The following TRPS1 variants were observed in gnomAD, a reference collection of about 807,000 sequenced individuals.
The protein encoded by TRPS1 is zinc finger transcription factor Trps1.
A neutral mutation model predicts 101.2 loss-of-function variants in TRPS1; 6 were observed. The ratio of observed to expected loss-of-function variants is 0.06; its 90% CI spans 0.03 to 0.12. The LOEUF (loss-of-function observed/expected upper bound fraction) is 0.12. Among genes scored for constraint, TRPS1 ranks in the 10% least tolerant of loss-of-function variants. The pLI, the probability that TRPS1 is intolerant of heterozygous loss-of-function variation, is 1.00. For synonymous variants in TRPS1, 578 were observed against 589.8 expected (o/e 0.98, Z 0.29); for missense variants, 1,363 against 1,567.0 (o/e 0.87, Z 2.20).
At chr8:115,603,029 A>G (rs934663203) in intron 4 of TRPS1, among the ~76,000 whole-genome samples, 3 of 152,146 alleles carry the variant, frequency 2.0e-5, no homozygotes, top group Non-Finnish European at 2.9e-5. Flanking sequence ...CTTCCCTACT[A>G]AACTGTAAGT....
chr8:115,436,584 T>G (rs970748393), intron 5 of TRPS1, among the ~76,000 whole-genome samples: 12 of 152,154 alleles, frequency 7.9e-5, no homozygotes, highest in Non-Finnish European at 1.8e-4. Flanking sequence ...CAGGCTAGCC[T>G]TGAACTCCTG....
intron 4 of TRPS1, among the ~76,000 whole-genome samples, chr8:115,595,831 T>C (rs1586439600): frequency 6.6e-6 from 1 of 151,854 alleles, no homozygotes; most frequent in Non-Finnish European, 1.5e-5. Context: ...AAATCATGTA[T>C]ACAAATAAAG....
At chr8:115,574,404 G>C (rs1817271753) in intron 5 of TRPS1, among the ~76,000 whole-genome samples, 1 of 152,154 alleles carries the variant, frequency 6.6e-6, no homozygotes, top group Admixed American at 6.5e-5. Context: ...AAACAGAAGT[G>C]TGTCTTGTTA....
At chr8:115,560,613 A>G (rs1284387737) in intron 5 of TRPS1, among the ~76,000 whole-genome samples, 2 of 152,114 alleles carry the variant, frequency 1.3e-5, no homozygotes, top group African/African-American at 4.8e-5. Flanking sequence ...ATTGGTGTAA[A>G]CTGCCCCTGC....
intron 5 of TRPS1, among the ~76,000 whole-genome samples, chr8:115,505,554 T>C (rs983969747): frequency 6.6e-6 from 1 of 152,182 alleles, no homozygotes; most frequent in Non-Finnish European, 1.5e-5. Context: ...TTGAATGATC[T>C]GAAATTATAA....
chr8:115,455,375 T>C (rs1328909107), intron 5 of TRPS1, among the ~76,000 whole-genome samples: 1 of 152,246 alleles, frequency 6.6e-6, no homozygotes, highest in Non-Finnish European at 1.5e-5. Context: ...ATGGAAGCTA[T>C]AATTTGTGAG....
At chr8:115,420,434 G>C (rs1813025230) in intron 5 of TRPS1, among the ~76,000 whole-genome samples, 1 of 152,144 alleles carries the variant, frequency 6.6e-6, no homozygotes, top group South Asian at 2.1e-4. Context: ...TAACATGTTT[G>C]CAAATAAACA....
intron 4 of TRPS1, among the ~76,000 whole-genome samples, chr8:115,601,236 T>C (rs1196445351): frequency 6.6e-6 from 1 of 152,210 alleles, no homozygotes; most frequent in African/African-American, 2.4e-5. Context: ...CACAGAATTA[T>C]GGCAGAAGTT....
intron 3 of TRPS1, among the ~76,000 whole-genome samples, chr8:115,610,507 T>C (rs1221632948): frequency 6.6e-6 from 1 of 152,172 alleles, no homozygotes; most frequent in Non-Finnish European, 1.5e-5. Flanking sequence ...TCTCATGCCA[T>C]CCATAGCTTA....
chr8:115,552,669 A>G (rs936774142), intron 5 of TRPS1, among the ~76,000 whole-genome samples: 4 of 152,206 alleles, frequency 2.6e-5, no homozygotes, highest in Admixed American at 1.3e-4. Context: ...TAACTTAACT[A>G]AACACAACCA....
intron 5 of TRPS1, among the ~76,000 whole-genome samples, chr8:115,507,712 T>C (rs1371800173): frequency 6.6e-6 from 1 of 152,104 alleles, no homozygotes; most frequent in Non-Finnish European, 1.5e-5. Context: ...TACATGCCAG[T>C]CCTAATTTGA....
chr8:115,633,217 C>T (rs188952297), intron 1 of TRPS1, among the ~76,000 whole-genome samples: 3 of 151,998 alleles, frequency 2.0e-5, no homozygotes, highest in Admixed American at 6.6e-5. Context: ...GAAAAGAAAG[C>T]GTTCTGAACA....
chr8:115,439,593 C>A (rs919177804), intron 5 of TRPS1, among the ~76,000 whole-genome samples: 4 of 152,186 alleles, frequency 2.6e-5, no homozygotes, highest in Non-Finnish European at 5.9e-5. Context: ...TCATTAGCCA[C>A]AGGGGACATT....
At chr8:115,654,268 G>A (rs1308401563) in intron 1 of TRPS1, among the ~76,000 whole-genome samples, 2 of 152,098 alleles carry the variant, frequency 1.3e-5, no homozygotes, top group Non-Finnish European at 2.9e-5. Context: ...GGCATTAAAT[G>A]TATATTTTAA....
At chr8:115,458,577 T>C (rs1349804665) in intron 5 of TRPS1, among the ~76,000 whole-genome samples, 2 of 152,194 alleles carry the variant, frequency 1.3e-5, no homozygotes, top group African/African-American at 4.8e-5. Flanking sequence ...AATTTTGCTA[T>C]ACTTTAAATG....
intron 5 of TRPS1, among the ~76,000 whole-genome samples, chr8:115,535,361 A>G (rs538806399): frequency 7.4e-4 from 87 of 117,596 alleles, no homozygotes; most frequent in African/African-American, 2.6e-3. Context: ...TATACATAGC[A>G]CATATATATA....
chr8:115,565,486 G>A (rs955323267), intron 5 of TRPS1, among the ~76,000 whole-genome samples: 1 of 72,858 alleles, frequency 1.4e-5, no homozygotes, highest in African/African-American at 1.2e-4. Context: ...AAAATGACAG[G>A]TTTTTTTTTT....
chr8:115,452,139 A>G (rs1813890767), intron 5 of TRPS1, among the ~76,000 whole-genome samples: 2 of 152,344 alleles, frequency 1.3e-5, no homozygotes, highest in Admixed American at 1.3e-4. Flanking sequence ...ATTAAACCCA[A>G]TGAATTCTGG....
rs547239440 is a variant in TRPS1 at position 115,484,820 on chromosome 8, C to A, written c.2701-66368G>T. On this transcript the variant is annotated intron_variant, in intron 5 of 6. Transcript: ENST00000395715. ...TTCAGGAAATTTTCCAGAAGTAGTT[C>A]TTGAATGAAGAACACAATGTTCTTC... Among the ~76,000 whole-genome samples, 108 of 152,246 alleles carry A rather than the reference C, an allele frequency of 7.1e-4. No homozygotes were observed. In the South Asian group the frequency reaches 7.5e-3, roughly 11 times the overall value.
Sources: allele counts gnomAD v4.1 joint callset (sites outside exome capture counted in the v4.1 genomes callset), GRCh38; gene constraint gnomAD v4.1.1; transcripts MANE v1.5; gene names NCBI Gene and HGNC (gene_info 2026-07-23, HGNC 2026-07-21).